The following ZCCHC7 variants were observed in gnomAD, a reference collection of about 807,000 sequenced individuals.
The protein encoded by ZCCHC7 is zinc finger CCHC-type containing 7.
ZCCHC7 carries 35 observed loss-of-function variants against 52.0 expected under a neutral mutation model. The observed-to-expected ratio is 0.67, with a 90% CI of 0.51 to 0.89. The LOEUF is 0.89. Ranked by LOEUF, ZCCHC7 falls within the 40% of genes least tolerant of loss-of-function variation. ZCCHC7 has a pLI of 0.00. For synonymous variants in ZCCHC7, 217 were observed against 221.5 expected, an observed-to-expected ratio of 0.98 and a Z score of 0.18; for missense variants, 574 against 649.1, an observed-to-expected ratio of 0.88 and a Z score of 1.26.
intron 2 of ZCCHC7, among the ~76,000 whole-genome samples, chr9:37,192,129 C>T (rs1259920073): frequency 1.3e-5 from 2 of 152,088 alleles, no homozygotes; most frequent in Non-Finnish European, 2.9e-5. Flanking sequence ...ATTGAATGAC[C>T]AGTATTAAGA....
intron 2 of ZCCHC7, among the ~76,000 whole-genome samples, chr9:37,280,106 A>G (rs1000495505): frequency 1.3e-5 from 2 of 151,756 alleles, no homozygotes; most frequent in African/African-American, 2.4e-5. Flanking sequence ...CCACTACTGC[A>G]CTCTAGCCTG....
At chr9:37,308,795 A>G (rs1412077616) in intron 5 of ZCCHC7, among the ~76,000 whole-genome samples, 1 of 152,024 alleles carries the variant, frequency 6.6e-6, no homozygotes. Flanking sequence ...CCTGGCCAGC[A>G]TGGTGTGAAA....
chr9:37,257,022 A>C (rs1049891912), intron 2 of ZCCHC7, among the ~76,000 whole-genome samples: 4 of 152,238 alleles, frequency 2.6e-5, no homozygotes, highest in African/African-American at 9.6e-5. Flanking sequence ...TTATATATAC[A>C]TGGGAGACAC....
chr9:37,278,764 G>A (rs1301515960), intron 2 of ZCCHC7, among the ~76,000 whole-genome samples: 1 of 152,188 alleles, frequency 6.6e-6, no homozygotes, highest in Non-Finnish European at 1.5e-5. Context: ...GCCAAATGCA[G>A]TAGAACACCA....
At position 37,223,848 on chromosome 9, in the gene ZCCHC7, T is replaced by A. The variant is rs1824954809; in HGVS notation, c.611-78340T>A. Reference sequence around the variant, plus strand: ...TGACAGTGACTGAACAAATATTTAATAGAATATTATGATTTAACAAGTGAA... The same window carrying A: ...TGACAGTGACTGAACAAATATTTAAAAGAATATTATGATTTAACAAGTGAA... On this transcript the variant is annotated intron_variant, in intron 2 of 8. Coordinates refer to ENST00000336755, the MANE Select transcript of ZCCHC7 (RefSeq NM_032226.3). Among the ~76,000 whole-genome samples, 4 of 152,106 alleles carry A rather than the reference T, an allele frequency of 2.6e-5. No individual in the cohort carries two copies. In the South Asian group the frequency reaches 8.3e-4, roughly 32 times the overall value.
intron 2 of ZCCHC7, among the ~76,000 whole-genome samples, chr9:37,189,894 T>C (rs1167822830): frequency 3.3e-5 from 5 of 152,148 alleles, no homozygotes; most frequent in Non-Finnish European, 7.4e-5. Context: ...GAGTCTGTGG[T>C]ATGTTATTTT....
chr9:37,190,830 C>T (rs774749679), intron 2 of ZCCHC7, among the ~76,000 whole-genome samples: 6 of 151,938 alleles, frequency 3.9e-5, no homozygotes, highest in Non-Finnish European at 7.4e-5. Flanking sequence ...ACCAGCCTGA[C>T]CAACATGGAA....
chr9:37,318,403 G>A (rs1829915018), intron 5 of ZCCHC7, among the ~76,000 whole-genome samples: 1 of 151,590 alleles, frequency 6.6e-6, no homozygotes, highest in Non-Finnish European at 1.5e-5. Context: ...AGAGGTTGCA[G>A]TGAGCCGCGA....
intron 2 of ZCCHC7, among the ~76,000 whole-genome samples, chr9:37,171,947 G>A (rs916984082): frequency 3.3e-5 from 5 of 152,122 alleles, no homozygotes; most frequent in African/African-American, 1.2e-4. Flanking sequence ...ATAAGTAGCA[G>A]TTTACTCTAT....
At chr9:37,297,658 A>T (rs1178920642) in intron 2 of ZCCHC7, among the ~76,000 whole-genome samples, 1 of 152,222 alleles carries the variant, frequency 6.6e-6, no homozygotes, top group Non-Finnish European at 1.5e-5. Flanking sequence ...GGCTGAGGAA[A>T]TGATTCTTAG....
At chr9:37,126,275 T>A in intron 1 of ZCCHC7, 37 bp from the exon 2 acceptor site, 1 of 1,538,434 alleles carries the variant, frequency 6.5e-7, no homozygotes, top group Non-Finnish European at 8.7e-7. Flanking sequence ...ATCTGAACTT[T>A]TAAAGTATAT....
rs1390036184 is a variant in ZCCHC7 at position 37,219,837 on chromosome 9, T to C, written c.611-82351T>C. ...GGAATAGTCTATTTAGCTTTTCTTA[T>C]TTTATTTTTTGATGAAATGTAACTT... On this transcript the variant is annotated intron_variant, in intron 2 of 8. Coordinates refer to ENST00000336755, the MANE Select transcript of ZCCHC7 (RefSeq NM_032226.3). 3.3e-5 allele frequency among the ~76,000 whole-genome samples: 5 copies of C among 152,332 alleles called. No homozygotes were observed. The South Asian group carries it at 8.3e-4, about 25-fold the overall frequency.
chr9:37,237,428 A>G (rs546013018), intron 2 of ZCCHC7, among the ~76,000 whole-genome samples: 1 of 152,304 alleles, frequency 6.6e-6, no homozygotes, highest in East Asian at 1.9e-4. Flanking sequence ...TTCTGTCTTC[A>G]TACTCTGTTC....
In ZCCHC7 at chr9:37,126,654, G is replaced by T. The variant is rs1842550139; in HGVS notation, c.322G>T (p.Val108Phe). ...DSIYRCKGKN[V>F]RVQAQENAHG... Reference sequence around the variant, plus strand: ...TATTTATAGATGTAAAGGAAAGAATGTTAGAGTTCAAGCACAAGAAAATGC... The same window carrying T: ...TATTTATAGATGTAAAGGAAAGAATTTTAGAGTTCAAGCACAAGAAAATGC... Residue 108 changes from valine to phenylalanine, a missense_variant, in exon 2 of 9, where the codon GTT (valine) becomes TTT (phenylalanine). By Grantham distance (50) the Val-to-Phe change is conservative (BLOSUM62 -1). This residue lies in a region of ZCCHC7 where 403 missense variants were observed against 461.2 expected (regional missense o/e 0.87). Coordinates refer to ENST00000336755, the MANE Select transcript of ZCCHC7 (RefSeq NM_032226.3). 2 of 1,614,078 alleles carry T rather than the reference G, an allele frequency of 1.2e-6. No homozygotes were observed. Among genetic ancestry groups the T allele is most frequent in the Non-Finnish European group, 1.7e-6 (2 of 1,180,040 alleles).
intron 2 of ZCCHC7, among the ~76,000 whole-genome samples, chr9:37,199,936 C>T (rs1823540906): frequency 6.6e-6 from 1 of 151,916 alleles, no homozygotes; most frequent in South Asian, 2.1e-4. Flanking sequence ...AAACTCCTGA[C>T]TTCAGGTGAT....
intron 3 of ZCCHC7, among the ~76,000 whole-genome samples, chr9:37,303,202 A>T (rs890627718): frequency 6.6e-6 from 1 of 152,150 alleles, no homozygotes; most frequent in African/African-American, 2.4e-5. Context: ...AGGTGGGTGG[A>T]TCACCTGAGG....
chr9:37,178,386 A>C (rs961983349), intron 2 of ZCCHC7, among the ~76,000 whole-genome samples: 38 of 77,110 alleles, frequency 4.9e-4, no homozygotes, highest in South Asian at 7.8e-4. Flanking sequence ...TTGCTTCCCC[A>C]CTGGCCGCCC....
chr9:37,150,362 T>C (rs1033126889), intron 2 of ZCCHC7, among the ~76,000 whole-genome samples: 1 of 152,214 alleles, frequency 6.6e-6, no homozygotes, highest in African/African-American at 2.4e-5. Context: ...TGGAAGCACA[T>C]AATTTTTGCA....
intron 2 of ZCCHC7, among the ~76,000 whole-genome samples, chr9:37,133,049 G>C (rs1420095313): frequency 6.6e-6 from 1 of 152,160 alleles, no homozygotes; most frequent in Non-Finnish European, 1.5e-5. Flanking sequence ...CAGGAGAATC[G>C]CTTGAACCTG....
Sources: gnomAD v4.1 joint callset for allele counts (sites outside exome capture counted in the v4.1 genomes callset) on GRCh38, gnomAD v4.1.1 for gene constraint, gnomAD v4.1.1 regional missense constraint, MANE v1.5 for transcripts, NCBI Gene and HGNC (gene_info 2026-07-23, HGNC 2026-07-21) for gene names.